The following CNTN3 variants were observed in gnomAD, a reference collection of about 807,000 sequenced individuals.
CNTN3 encodes the protein contactin 3.
Under a neutral mutation model 119.1 loss-of-function variants are expected in CNTN3, and 60 were observed. The ratio of observed to expected loss-of-function variants is 0.50; its 90% CI spans 0.41 to 0.62. CNTN3 has a LOEUF of 0.62. Among genes scored for constraint, CNTN3 ranks in the 20% least tolerant of loss-of-function variants. CNTN3 has a pLI of 0.00. For synonymous variants in CNTN3, 450 were observed against 438.7 expected, an observed-to-expected ratio of 1.03 and a Z score of -0.32; for missense variants, 1,101 against 1,242.4, an observed-to-expected ratio of 0.89 and a Z score of 1.71.
At chr3:74,375,769 A>T (rs2106799759) in intron 5 of CNTN3, among the ~76,000 whole-genome samples, 1 of 152,346 alleles carries the variant, frequency 6.6e-6, no homozygotes, top group Non-Finnish European at 1.5e-5. Context: ...AAACTCCATA[A>T]GCAACATAGG....
rs115852727 is a variant in CNTN3, at chr3:74,306,855, G to A, written c.1669-4048C>T. On this transcript the variant is annotated intron_variant, in intron 13 of 22. Coordinates refer to ENST00000263665, the MANE Select transcript of CNTN3 (RefSeq NM_020872.3). ...ATTCTACTTTAGTTGCTGGGAATAC[G>A]ATGCTGAAGGCAAGAAAAAAGAAAC... Among the ~76,000 whole-genome samples, 932 of 152,196 alleles carry A rather than the reference G, an allele frequency of 6.1e-3. 10 individuals are homozygous for A. Among genetic ancestry groups the A allele is most frequent in the African/African-American group, 0.021 (892 of 41,536 alleles).
chr3:74,572,895 C>A (rs909299876), intron 1 of CNTN3, among the ~76,000 whole-genome samples: 1 of 152,210 alleles, frequency 6.6e-6, no homozygotes, highest in East Asian at 1.9e-4. Context: ...CTAGGAGGGT[C>A]TAAGACTTCA....
Position 74,399,336 on chromosome 3 carries a change from C to G in CNTN3, c.454+25509G>C, listed in dbSNP as rs140383264. On this transcript the variant is annotated intron_variant, in intron 5 of 22. Transcript: ENST00000263665. ...CAGGCCCCAGTGTGTGTTGTTCCCCCCATCCATGTGATCATTTGTTCTCAT... is the reference window on the plus strand; with the variant it reads ...CAGGCCCCAGTGTGTGTTGTTCCCCGCATCCATGTGATCATTTGTTCTCAT... 3.4e-4 allele frequency among the ~76,000 whole-genome samples: 51 copies of G among 152,110 alleles called. 2 individuals carry two copies. The East Asian group carries it at 9.9e-3, about 30-fold the overall frequency.
intron 4 of CNTN3, among the ~76,000 whole-genome samples, chr3:74,434,911 ATAT>A (rs1701841232): frequency 6.6e-6 from 1 of 152,056 alleles, no homozygotes; most frequent in African/African-American, 2.4e-5. Flanking sequence ...TGCATTTCAG[ATAT>A]TTTTTGGATG....
intron 20 of CNTN3, among the ~76,000 whole-genome samples, chr3:74,282,236 T>C (rs1307228407): frequency 6.6e-6 from 1 of 151,392 alleles, no homozygotes; most frequent in African/African-American, 2.4e-5. Context: ...GAAGCTACAG[T>C]ACTTGAGAAT....
Position 74,295,165 on chromosome 3 carries a change from T to G in CNTN3, c.2473A>C (p.Thr825Pro), listed in dbSNP as rs945380618. The G allele has an allele frequency of 1.2e-6, 2 of 1,613,490 alleles. No homozygotes were observed. Among genetic ancestry groups the G allele is most frequent in the East Asian group, 4.5e-5 (2 of 44,846 alleles). The change falls in exon 19 of 23, where the codon ACC becomes CCC. Residue 825 changes from threonine to proline, a missense_variant. Thr to Pro is a conservative substitution (Grantham distance 38). Transcript: ENST00000263665. ...SSSEIEVSWNTIPWKLSNGHL... is the reference protein window; with the variant it reads ...SSSEIEVSWNPIPWKLSNGHL... Reference sequence around the variant, plus strand: ...CCATTGCTCAACTTCCAAGGAATGGTGTTCCATGAAACCTCAATTTCTGAG... The same window carrying G: ...CCATTGCTCAACTTCCAAGGAATGGGGTTCCATGAAACCTCAATTTCTGAG...
chr3:74,290,446 T>C (rs1274732163), intron 19 of CNTN3, among the ~76,000 whole-genome samples: 1 of 152,224 alleles, frequency 6.6e-6, no homozygotes, highest in Non-Finnish European at 1.5e-5. Context: ...ATGACTATAT[T>C]AAAAAATCAA....
chr3:74,313,048 C>A, intron 13 of CNTN3, among the ~76,000 whole-genome samples: 1 of 149,368 alleles, frequency 6.7e-6, no homozygotes, highest in African/African-American at 2.5e-5. Flanking sequence ...TAAGGAACGA[C>A]TTGGATTGGC....
intron 1 of CNTN3, among the ~76,000 whole-genome samples, chr3:74,598,923 C>G (rs905663838): frequency 6.6e-6 from 1 of 151,876 alleles, no homozygotes; most frequent in Admixed American, 6.6e-5. Context: ...TAATTGCTAT[C>G]ATAACAAAGA....
In CNTN3 at chr3:74,263,147, T is replaced by C. The variant is rs1007430091; in HGVS notation, c.*1254A>G. On this transcript the variant is annotated 3_prime_UTR_variant, in exon 23 of 23. Transcript: ENST00000263665. Reference sequence around the variant, plus strand: ...TTGCAATGTTGAAAACTCAATCTGCTGATTTTAATTTATTCTCTATATATT... The same window carrying C: ...TTGCAATGTTGAAAACTCAATCTGCCGATTTTAATTTATTCTCTATATATT... The C allele has an allele frequency of 3.3e-5, 5 of 152,304 alleles. 1 individual carries two copies. The highest frequency in any genetic ancestry group is 2.1e-4 in the South Asian group (1 of 4,834). 9.4% of individuals were successfully genotyped at this position (152,304 alleles called of 1,614,324 possible).
At chr3:74,569,931 T>A (rs893893388) in intron 1 of CNTN3, among the ~76,000 whole-genome samples, 1 of 152,098 alleles carries the variant, frequency 6.6e-6, no homozygotes, top group African/African-American at 2.4e-5. Context: ...CAAAGGCCAA[T>A]CTTACTACCA....
intron 4 of CNTN3, among the ~76,000 whole-genome samples, chr3:74,432,162 G>A (rs1341440377): frequency 2.0e-5 from 3 of 152,018 alleles, no homozygotes; most frequent in East Asian, 1.9e-4. Flanking sequence ...GAATCAGGTC[G>A]CTGCCAATAA....
chr3:74,337,082 G>A (rs1327558121), intron 11 of CNTN3, among the ~76,000 whole-genome samples: 1 of 152,138 alleles, frequency 6.6e-6, no homozygotes, highest in Non-Finnish European at 1.5e-5. Flanking sequence ...AACAGTATAT[G>A]AGAAACGAGA....
At chr3:74,414,428 T>G (rs1257594981) in intron 5 of CNTN3, among the ~76,000 whole-genome samples, 2 of 152,204 alleles carry the variant, frequency 1.3e-5, no homozygotes, top group African/African-American at 4.8e-5. Flanking sequence ...TCTCTATTCC[T>G]TTAAATGGTT....
intron 4 of CNTN3, among the ~76,000 whole-genome samples, chr3:74,436,646 T>C (rs896697839): frequency 1.3e-5 from 2 of 152,172 alleles, no homozygotes; most frequent in African/African-American, 4.8e-5. Context: ...TAAAAACAAA[T>C]ATAAAGGCTT....
At chr3:74,533,241 G>A (rs539930251) in intron 1 of CNTN3, among the ~76,000 whole-genome samples, 2 of 152,088 alleles carry the variant, frequency 1.3e-5, no homozygotes, top group East Asian at 1.9e-4. Flanking sequence ...AGGAGCTCTG[G>A]AAACCAACTG....
rs544611528 is a variant in CNTN3 at position 74,555,606 on chromosome 3, T to G, written c.-80-34414A>C. Among the ~76,000 whole-genome samples, 10 of 152,330 alleles carry G rather than the reference T, an allele frequency of 6.6e-5. 1 individual carries two copies. The East Asian group carries it at 1.9e-3, about 29-fold the overall frequency. On this transcript the variant is annotated intron_variant, in intron 1 of 22. Transcript: ENST00000263665. The stretch of plus-strand genomic sequence containing the variant: ...AATTTCAGAACCTGTTATTGGCCTA[T>G]TCACAGATTAAACTTCTTCCTGGTT...
intron 4 of CNTN3, among the ~76,000 whole-genome samples, chr3:74,477,099 A>C (rs1280388987): frequency 6.6e-6 from 1 of 152,104 alleles, no homozygotes; most frequent in Non-Finnish European, 1.5e-5. Context: ...ATTGTATAAA[A>C]ATGATAATCG....
rs757006391 is a variant in CNTN3, at chr3:74,266,490, G to A, written c.2977C>T (p.Arg993Ter). 6 of 1,612,350 alleles carry A rather than the reference G, an allele frequency of 3.7e-6. No individual in the cohort carries two copies. The highest frequency in any genetic ancestry group is 2.2e-5 in the East Asian group (1 of 44,862). The change falls in exon 22 of 23, where the codon CGA becomes TGA. Residue 993 changes from arginine to a stop codon, truncating the protein, a stop_gained. Transcript: ENST00000263665. LOFTEE classifies it high-confidence loss of function. ...GCTTCAACCAACTTACTGGTTATTC[G>A]TGGAATCCTGATCTGTTCACTACTG... is the stretch of plus-strand genomic sequence containing the variant. ...GTSSEQIRIP[R>*]ITSMDARGST... is the part of the protein sequence containing the mutation.
Sources: gnomAD v4.1 joint callset for allele counts (sites outside exome capture counted in the v4.1 genomes callset) on GRCh38, gnomAD v4.1.1 for gene constraint, MANE v1.5 for transcripts, NCBI Gene and HGNC (gene_info 2026-07-23, HGNC 2026-07-21) for gene names.